Variants in PRKD1 observed in about 807,000 individuals in gnomAD.
The protein encoded by PRKD1 is protein kinase D1, also known as serine/threonine-protein kinase D1.
A neutral mutation model predicts 95.9 loss-of-function variants in PRKD1; 63 were observed. That is an observed-to-expected ratio of 0.66 (90% CI 0.54 to 0.81). PRKD1 has a LOEUF of 0.81. Among genes scored for constraint, PRKD1 ranks in the 30% least tolerant of loss-of-function variants. The pLI, the probability that PRKD1 is intolerant of heterozygous loss-of-function variation, is 0.00. For synonymous variants in PRKD1, 425 were observed against 423.1 expected, an observed-to-expected ratio of 1.00 and a Z score of -0.05; for missense variants, 1,048 against 1,165.3, an observed-to-expected ratio of 0.90 and a Z score of 1.47.
Position 29,599,606 on chromosome 14 carries a change from A to G in PRKD1, c.2067+50T>C, listed in dbSNP as rs754526909. 1.2e-5 allele frequency: 19 copies of G among 1,529,846 alleles called. No individual in the cohort carries two copies. The Admixed American group carries it at 3.3e-4, about 27-fold the overall frequency. The allele number at this position is 1,529,846 out of a possible 1,614,324, so 94.8% of individuals were successfully genotyped here. ...AGAAAGCTGTAGTTAAACAGTGATA[A>G]CATTTGATATTAAATATTGTATTTT... On this transcript the variant is annotated intron_variant, in intron 14 of 17. Transcript: ENST00000331968.
At chr14:29,638,426 A>G (rs1372940545) in intron 6 of PRKD1, 63 bp downstream of exon 6, 9 of 1,575,068 alleles carry the variant, frequency 5.7e-6, no homozygotes, top group African/African-American at 4.1e-5. Flanking sequence ...CCTGACTAAA[A>G]TTACATCACC....
intron 16 of PRKD1, among the ~76,000 whole-genome samples, chr14:29,588,099 T>C (rs1054180498): frequency 1.3e-5 from 2 of 152,206 alleles, no homozygotes; most frequent in African/African-American, 4.8e-5. Context: ...TCATAAACTG[T>C]TACAAACACA....
intron 1 of PRKD1, among the ~76,000 whole-genome samples, chr14:29,790,793 G>A (rs747779699): frequency 1.8e-4 from 27 of 152,056 alleles, no homozygotes; most frequent in Non-Finnish European, 3.5e-4. Context: ...CACAAAGCCC[G>A]GTGAACAACA....
chr14:29,866,056 A>G (rs2139368314), intron 1 of PRKD1, among the ~76,000 whole-genome samples: 2 of 152,320 alleles, frequency 1.3e-5, no homozygotes, highest in African/African-American at 2.4e-5. Context: ...ATGAACAAAA[A>G]GTACTGTTTT....
intron 1 of PRKD1, among the ~76,000 whole-genome samples, chr14:29,868,379 T>A (rs1356542519): frequency 6.6e-6 from 1 of 152,206 alleles, no homozygotes; most frequent in Non-Finnish European, 1.5e-5. Flanking sequence ...AAAAGATGTC[T>A]CTTCTGAAAT....
At chr14:29,663,421 A>G (rs1262643005) in intron 4 of PRKD1, among the ~76,000 whole-genome samples, 3 of 152,052 alleles carry the variant, frequency 2.0e-5, no homozygotes, top group Non-Finnish European at 2.9e-5. Flanking sequence ...ATGTTTTGCA[A>G]CATTAACACA....
intron 13 of PRKD1, among the ~76,000 whole-genome samples, chr14:29,602,427 C>CTTTTTTTTTTTTTTTTTTT (rs11331211): frequency 4.6e-5 from 6 of 131,438 alleles, no homozygotes; most frequent in African/African-American, 2.9e-5. Flanking sequence ...CTGTATTCCT[C>CTTTTTTTTTTTTTTTTTTT]TTTTTTTTTT....
intron 1 of PRKD1, among the ~76,000 whole-genome samples, chr14:29,846,030 A>G (rs1172514711): frequency 6.6e-6 from 1 of 152,168 alleles, no homozygotes; most frequent in Non-Finnish European, 1.5e-5. Flanking sequence ...AAAACCTTAA[A>G]TTTAAGGAAA....
intron 4 of PRKD1, among the ~76,000 whole-genome samples, chr14:29,647,834 C>A (rs567355055): frequency 1.3e-5 from 2 of 152,196 alleles, no homozygotes; most frequent in Admixed American, 6.5e-5. Context: ...GCAGACGTGT[C>A]CTGAAAGACT....
At chr14:29,587,343 A>G (rs1410943974) in intron 16 of PRKD1, among the ~76,000 whole-genome samples, 1 of 152,180 alleles carries the variant, frequency 6.6e-6, no homozygotes, top group Non-Finnish European at 1.5e-5. Context: ...ATTTTGAAGT[A>G]TTATTCTTTG....
At chr14:29,851,814 A>C (rs1357348304) in intron 1 of PRKD1, among the ~76,000 whole-genome samples, 1 of 152,210 alleles carries the variant, frequency 6.6e-6, no homozygotes, top group African/African-American at 2.4e-5. Flanking sequence ...ATAATAGCAA[A>C]GACTTGGAAT....
chr14:29,683,007 C>T (rs558841261), intron 2 of PRKD1, among the ~76,000 whole-genome samples: 42 of 152,180 alleles, frequency 2.8e-4, no homozygotes, highest in African/African-American at 9.9e-4. Context: ...TGGGTGCCTG[C>T]TTAAATAAAT....
At chr14:29,656,075 T>C (rs981711038) in intron 4 of PRKD1, among the ~76,000 whole-genome samples, 1 of 152,128 alleles carries the variant, frequency 6.6e-6, no homozygotes, top group Non-Finnish European at 1.5e-5. Flanking sequence ...ATAGTTCCAA[T>C]GTGCATAAGA....
At chr14:29,842,843 A>C (rs542519166) in intron 1 of PRKD1, among the ~76,000 whole-genome samples, 1 of 152,288 alleles carries the variant, frequency 6.6e-6, no homozygotes, top group Admixed American at 6.5e-5. Flanking sequence ...AGTATGGACC[A>C]GGCAGAGGGT....
At chr14:29,656,589 C>A (rs953964870) in intron 4 of PRKD1, 2 of 1,369,074 alleles carry the variant, frequency 1.5e-6, no homozygotes, top group African/African-American at 1.4e-5. Context: ...TGGATGGAAG[C>A]AAAGCACATT....
chr14:29,626,433 A>G, intron 12 of PRKD1, 51 bp downstream of exon 12: 1 of 1,433,606 alleles, frequency 7.0e-7, no homozygotes, highest in South Asian at 1.2e-5. Flanking sequence ...TTTTTAAAAT[A>G]TAACTAGCAA....
At chr14:29,725,929 G>C (rs916409910) in intron 1 of PRKD1, among the ~76,000 whole-genome samples, 2 of 152,134 alleles carry the variant, frequency 1.3e-5, no homozygotes, top group Non-Finnish European at 2.9e-5. Context: ...AAGAAAACAA[G>C]AGAATATGAG....
chr14:29,914,329 TA>T (rs1336133090), intron 1 of PRKD1, among the ~76,000 whole-genome samples: 1 of 152,152 alleles, frequency 6.6e-6, no homozygotes, highest in African/African-American at 2.4e-5. Flanking sequence ...CAAGTGGGAG[TA>T]AGTTTACCTT....
intron 2 of PRKD1, among the ~76,000 whole-genome samples, chr14:29,693,886 T>C (rs1370558203): frequency 2.0e-5 from 3 of 152,200 alleles, no homozygotes; most frequent in Admixed American, 6.5e-5. Context: ...GGATAGTCTT[T>C]TCAGTAAGAT....
Sources: allele counts gnomAD v4.1 joint callset (sites outside exome capture counted in the v4.1 genomes callset), GRCh38; gene constraint gnomAD v4.1.1; transcripts MANE v1.5; gene names NCBI Gene and HGNC (gene_info 2026-07-23, HGNC 2026-07-21).